Variants in PABPC1 observed in about 807,000 individuals in gnomAD.
The protein encoded by PABPC1 is polyadenylate-binding protein 1.
Under a neutral mutation model 74.0 loss-of-function variants are expected in PABPC1, and 4 were observed. The observed-to-expected ratio is 0.05, with a 90% CI of 0.03 to 0.12. The LOEUF (loss-of-function observed/expected upper bound fraction) is 0.12, where lower values mean the gene tolerates loss of function less well. Among genes scored for constraint, PABPC1 ranks in the 10% least tolerant of loss-of-function variants. PABPC1 has a pLI of 1.00. For missense variants in PABPC1, 271 were observed against 821.1 expected (o/e 0.33, Z 8.19); for synonymous variants, 227 against 264.1 (o/e 0.86, Z 1.36).
chr8:100,705,669 G>A lies in PABPC1; in HGVS notation c.1607C>T (p.Ala536Val), dbSNP rs1810359893. ...AQPQVTMQQP[A>V]VHVQGQEPLT... ...AGGTTCCTGACCTTGTACATGAACAGCAGGCTAGACAGAAAATGAGAACTC... is the reference window on the plus strand; with the variant it reads ...AGGTTCCTGACCTTGTACATGAACAACAGGCTAGACAGAAAATGAGAACTC... Residue 536 changes from alanine (A) to valine (V), a missense_variant, in exon 12 of 15, where the codon GCT becomes GTT. Ala to Val is a moderately conservative substitution (Grantham distance 64). Coordinates refer to ENST00000318607, the MANE Select transcript of PABPC1 (RefSeq NM_002568.4). 2 of 1,609,270 alleles carry A rather than the reference G, an allele frequency of 1.2e-6. No homozygotes were observed. Among genetic ancestry groups the A allele is most frequent in the Non-Finnish European group, 1.7e-6 (2 of 1,175,822 alleles).
At chr8:100,707,449 G>A (rs1211207815) in intron 9 of PABPC1, among the ~76,000 whole-genome samples, 4 of 152,220 alleles carry the variant, frequency 2.6e-5, no homozygotes, top group African/African-American at 4.8e-5. Context: ...GTAAGGTCAC[G>A]TGGGTTACGT....
At chr8:100,703,484 T>C (rs190093549) in intron 14 of PABPC1, 125 bp from the exon 15 acceptor site, 1 of 152,392 alleles carries the variant, frequency 6.6e-6, no homozygotes, top group Non-Finnish European at 1.5e-5. Context: ...GCCATACCTG[T>C]TCATTTGTAT....
intron 3 of PABPC1, 64 bp downstream of exon 3, chr8:100,717,709 G>T: frequency 1.0e-6 from 1 of 962,920 alleles, no homozygotes; most frequent in Non-Finnish European, 1.6e-6. Context: ...AACTTAAAAT[G>T]AATGGATTTG....
chr8:100,721,441 G>C lies in PABPC1; in HGVS notation c.143C>G (p.Thr48Ser). The change falls in exon 1 of 15, where the codon ACC becomes AGC. Residue 48 changes from threonine to serine, a missense_variant. Transcript: ENST00000318607. The surrounding 1 kb of genome is among the most constrained non-coding windows in gnomAD (Gnocchi z 7.4). ...LSIRVCRDMI[T>S]RRSLGYAYVN... is the part of the protein sequence containing the mutation. ...ATACGCGTAGCCCAAGGAGCGGCGG[G>C]TGATCATGTCCCTGCAGACCCGGAT... The C allele has an allele frequency of 6.2e-7, 1 of 1,602,526 alleles. No homozygotes were observed.
intron 7 of PABPC1, among the ~76,000 whole-genome samples, chr8:100,711,873 T>C (rs1422797175): frequency 6.6e-6 from 1 of 152,250 alleles, no homozygotes; most frequent in Non-Finnish European, 1.5e-5. Context: ...CCACGGATGC[T>C]AGACAAAAAC....
intron 14 of PABPC1, chr8:100,704,084 G>A (rs1398951394): frequency 5.4e-6 from 2 of 370,046 alleles, no homozygotes; most frequent in Non-Finnish European, 9.8e-6. Flanking sequence ...AACACCACCT[G>A]AAAGTCCTGG....
At chr8:100,712,521 C>G in intron 6 of PABPC1, 64 bp from the exon 7 acceptor site, 1 of 1,450,680 alleles carries the variant, frequency 6.9e-7, no homozygotes. Context: ...TACATCGGGT[C>G]TATTATTTTA....
intron 5 of PABPC1, 139 bp downstream of exon 5, chr8:100,712,948 C>T (rs1810568526): frequency 2.9e-6 from 3 of 1,046,020 alleles, no homozygotes; most frequent in Non-Finnish European, 4.1e-6. Flanking sequence ...CCAATTTATA[C>T]TCTCAAACCT....
chr8:100,708,625 C>G (rs1225959053), intron 9 of PABPC1, among the ~76,000 whole-genome samples: 1 of 152,194 alleles, frequency 6.6e-6, no homozygotes, highest in African/African-American at 2.4e-5. Flanking sequence ...CCTGTACTCT[C>G]AACACTTTAG....
In PABPC1 at chr8:100,712,808, GAA is replaced by G. The variant is rs60596898; in HGVS notation, c.739-21_739-20del. On this transcript the variant is annotated intron_variant, in intron 5 of 14. Transcript: ENST00000318607. The stretch of plus-strand genomic sequence containing the variant: ...CCACAGCCTTCCCCCCAAAAAAAAA[GAA>G]AAAAAAAAAATCACAAAACTTTCAA... 28 of 1,368,710 alleles carry G rather than the reference GAA, an allele frequency of 2.0e-5. No homozygotes were observed. Among genetic ancestry groups the G allele is most frequent in the South Asian group, 1.0e-4 (7 of 69,254 alleles). The allele number at this position is 1,368,710 out of a possible 1,614,324, so 84.8% of individuals were successfully genotyped here.
chr8:100,706,524 CA>C, intron 11 of PABPC1, 126 bp downstream of exon 11: 1 of 730,134 alleles, frequency 1.4e-6, no homozygotes, highest in Non-Finnish European at 2.2e-6. Flanking sequence ...TGGTCTCAAG[CA>C]ATCTGCCTGC....
Position 100,715,606 on chromosome 8 carries a change from T to C in PABPC1, c.504-5A>G. 1.9e-6 allele frequency: 3 copies of C among 1,600,502 alleles called. No individual in the cohort carries two copies. The highest frequency in any genetic ancestry group is 2.6e-6 in the Non-Finnish European group (3 of 1,169,728). On this transcript the variant is annotated splice_region_variant and splice_polypyrimidine_tract_variant and intron_variant, in intron 3 of 14. Coordinates refer to ENST00000318607, the MANE Select transcript of PABPC1 (RefSeq NM_002568.4). Reference sequence around the variant, plus strand: ...GACTTAAATCGTCCAACAAATCTAATAAGATATACAAGGACTATAACATTA... The same window carrying C: ...GACTTAAATCGTCCAACAAATCTAACAAGATATACAAGGACTATAACATTA...
intron 9 of PABPC1, among the ~76,000 whole-genome samples, chr8:100,707,540 CA>C (rs1482036397): frequency 6.6e-6 from 1 of 152,180 alleles, no homozygotes; most frequent in African/African-American, 2.4e-5. Context: ...CAGCTTACGC[CA>C]TTGTTTCTGC....
chr8:100,711,649 G>A (rs771518224), intron 7 of PABPC1, among the ~76,000 whole-genome samples: 3 of 152,186 alleles, frequency 2.0e-5, no homozygotes, highest in African/African-American at 4.8e-5. Context: ...AGACAACCAT[G>A]GCACTTCCAT....
chr8:100,706,847 A>G, intron 10 of PABPC1, 40 bp downstream of exon 10: 1 of 1,157,756 alleles, frequency 8.6e-7, no homozygotes, highest in South Asian at 2.2e-5. Flanking sequence ...TTGCTCTTTC[A>G]AATTGGTGAT....
chr8:100,713,462 G>C (rs1810582373), intron 4 of PABPC1, among the ~76,000 whole-genome samples: 1 of 152,152 alleles, frequency 6.6e-6, no homozygotes, highest in Admixed American at 6.6e-5. Context: ...TAGCACAAAA[G>C]AGTTGCATTT....
Position 100,721,358 on chromosome 8 carries a change from C to A in PABPC1, c.193+33G>T. ...GCCGCCCGAGCCTCATGGCCGCCCG[C>A]CCGCCCGGCCGACCGCGGAGCCCGG... On this transcript the variant is annotated intron_variant, in intron 1 of 14. Transcript: ENST00000318607. This position sits in a 1 kb window ranked among gnomAD's most constrained non-coding sequence, Gnocchi z 7.4. 1 of 1,369,540 alleles carries A rather than the reference C, an allele frequency of 7.3e-7. No homozygotes were observed. Among genetic ancestry groups the A allele is most frequent in the Non-Finnish European group, 9.6e-7 (1 of 1,042,702 alleles). 84.8% of individuals were successfully genotyped at this position (1,369,540 alleles called of 1,614,324 possible).
chr8:100,713,751 C>G (rs975381003), intron 4 of PABPC1, among the ~76,000 whole-genome samples: 2 of 152,172 alleles, frequency 1.3e-5, no homozygotes, highest in Admixed American at 1.3e-4. Context: ...CCTCCCCAAG[C>G]GCTAGGGTTA....
chr8:100,713,394 C>T (rs1327469261), intron 4 of PABPC1, among the ~76,000 whole-genome samples: 1 of 152,160 alleles, frequency 6.6e-6, no homozygotes, highest in East Asian at 1.9e-4. Flanking sequence ...TGAAGGATTC[C>T]TCCTTCCATT....
Sources: gnomAD v4.1 joint callset for allele counts (sites outside exome capture counted in the v4.1 genomes callset) on GRCh38, gnomAD v4.1.1 for gene constraint, Gnocchi (gnomAD v3.1) non-coding constraint, MANE v1.5 for transcripts, NCBI Gene and HGNC (gene_info 2026-07-23, HGNC 2026-07-21) for gene names.